The following MGAT5 variants were observed in gnomAD, a reference collection of about 807,000 sequenced individuals.
MGAT5 encodes alpha-1,6-mannosylglycoprotein 6-beta-N-acetylglucosaminyltransferase.
A neutral mutation model predicts 94.3 loss-of-function variants in MGAT5; 30 were observed. That is an observed-to-expected ratio of 0.32 (90% CI 0.24 to 0.43). The LOEUF is 0.43. MGAT5 is among the 20% of genes least tolerant of loss of function. The pLI is 1.00. For synonymous variants in MGAT5, 310 were observed against 322.9 expected (o/e 0.96, Z 0.43); for missense variants, 691 against 905.5 (o/e 0.76, Z 3.04).
At chr2:134,405,730 A>G (rs1004503429) in intron 11 of MGAT5, among the ~76,000 whole-genome samples, 4 of 152,228 alleles carry the variant, frequency 2.6e-5, no homozygotes, top group African/African-American at 9.6e-5. Context: ...ACATAGAGAG[A>G]TGATTGATGC....
At chr2:134,248,030 G>GT (rs1463458642) in intron 1 of MGAT5, among the ~76,000 whole-genome samples, 2 of 152,202 alleles carry the variant, frequency 1.3e-5, no homozygotes, top group African/African-American at 2.4e-5. Flanking sequence ...CTTCTGGAGT[G>GT]TTTTTTTGCA....
At chr2:134,430,123 G>T (rs189851364) in intron 14 of MGAT5, among the ~76,000 whole-genome samples, 1 of 152,292 alleles carries the variant, frequency 6.6e-6, no homozygotes, top group Non-Finnish European at 1.5e-5. Flanking sequence ...TCAATTATGG[G>T]TCTTAAGACA....
chr2:134,222,974 AAAT>A, intron 1 of MGAT5, among the ~76,000 whole-genome samples: 1 of 152,098 alleles, frequency 6.6e-6, no homozygotes, highest in East Asian at 1.9e-4. Flanking sequence ...TTGTTCTGAA[AAAT>A]AATTAAAAAT....
intron 1 of MGAT5, among the ~76,000 whole-genome samples, chr2:134,267,882 A>G (rs977862496): frequency 2.0e-5 from 3 of 152,218 alleles, no homozygotes; most frequent in Non-Finnish European, 4.4e-5. Flanking sequence ...GGCATTTCCT[A>G]TCCTGTAACC....
chr2:134,423,544 T>A (rs538005781), intron 13 of MGAT5, among the ~76,000 whole-genome samples: 1 of 152,278 alleles, frequency 6.6e-6, no homozygotes, highest in African/African-American at 2.4e-5. Context: ...TCAGTTATCC[T>A]TTCTCCCAAC....
chr2:134,287,843 A>G (rs1250658384), intron 2 of MGAT5, among the ~76,000 whole-genome samples: 1 of 152,212 alleles, frequency 6.6e-6, no homozygotes, highest in African/African-American at 2.4e-5. Flanking sequence ...AGACATTACA[A>G]GTTATACTCT....
At chr2:134,384,231 T>C (rs1439340597) in intron 10 of MGAT5, among the ~76,000 whole-genome samples, 4 of 132,250 alleles carry the variant, frequency 3.0e-5, no homozygotes, top group African/African-American at 1.1e-4. Context: ...AAAAAAAAAG[T>C]CATCATCCTC....
chr2:134,298,666 C>T (rs1685839422), intron 2 of MGAT5, among the ~76,000 whole-genome samples: 1 of 152,098 alleles, frequency 6.6e-6, no homozygotes, highest in Admixed American at 6.5e-5. Context: ...AAATTTGGTA[C>T]TGCAGATGGT....
intron 10 of MGAT5, among the ~76,000 whole-genome samples, chr2:134,387,687 G>A (rs973377293): frequency 6.6e-6 from 1 of 151,888 alleles, no homozygotes; most frequent in African/African-American, 2.4e-5. Flanking sequence ...TCATGTTGGA[G>A]GGAAGGAGAA....
chr2:134,349,409 A>G (rs889694040), intron 8 of MGAT5, among the ~76,000 whole-genome samples: 2 of 152,182 alleles, frequency 1.3e-5, no homozygotes, highest in Admixed American at 1.3e-4. Flanking sequence ...TAAGACCTCT[A>G]TAGATGGTAG....
intron 1 of MGAT5, among the ~76,000 whole-genome samples, chr2:134,265,205 G>T (rs1448172050): frequency 6.6e-6 from 1 of 152,168 alleles, no homozygotes; most frequent in African/African-American, 2.4e-5. Flanking sequence ...CTCAAATACG[G>T]ATTGATTTTG....
intron 9 of MGAT5, 51 bp downstream of exon 9, chr2:134,349,989 T>C: frequency 6.2e-7 from 1 of 1,603,582 alleles, no homozygotes. Context: ...CAAAGATAGA[T>C]GGGAAAATTA....
At chr2:134,181,895 A>G (rs1688750913) in intron 1 of MGAT5, among the ~76,000 whole-genome samples, 1 of 152,196 alleles carries the variant, frequency 6.6e-6, no homozygotes. Flanking sequence ...TTATGGTACA[A>G]TATGCTCTTG....
At chr2:134,147,726 G>A (rs755471574) in intron 1 of MGAT5, among the ~76,000 whole-genome samples, 8 of 152,114 alleles carry the variant, frequency 5.3e-5, no homozygotes, top group East Asian at 1.9e-4. Context: ...TAGAATCAGC[G>A]TTGGGATGAG....
chr2:134,121,855 C>A (rs928053774), intron 1 of MGAT5, among the ~76,000 whole-genome samples: 3 of 152,166 alleles, frequency 2.0e-5, no homozygotes, highest in Admixed American at 6.5e-5. Context: ...AAGAGACTCC[C>A]CAGCGTTAAT....
chr2:134,249,655 C>T (rs1246217702), upstream of MGAT5, among the ~76,000 whole-genome samples: 1 of 152,168 alleles, frequency 6.6e-6, no homozygotes, highest in Non-Finnish European at 1.5e-5. Flanking sequence ...AGTTGATGCA[C>T]ATTAGGCTGG....
intron 10 of MGAT5, among the ~76,000 whole-genome samples, chr2:134,389,492 C>A (rs1682264193): frequency 6.6e-6 from 1 of 152,162 alleles, no homozygotes; most frequent in Non-Finnish European, 1.5e-5. Context: ...TTAGCCTCAG[C>A]CTCTGTGCTA....
intron 2 of MGAT5, among the ~76,000 whole-genome samples, chr2:134,274,975 G>A (rs961255006): frequency 1.3e-5 from 2 of 152,198 alleles, no homozygotes; most frequent in Non-Finnish European, 2.9e-5. Context: ...TGTCCCTGCT[G>A]AGTTCCAGGG....
chr2:134,324,620 G>A (rs1468554755), intron 4 of MGAT5, among the ~76,000 whole-genome samples: 1 of 152,080 alleles, frequency 6.6e-6, no homozygotes, highest in Non-Finnish European at 1.5e-5. Flanking sequence ...GGATTTATGA[G>A]CTGTGTTGGC....
Sources: gnomAD v4.1 joint callset for allele counts (sites outside exome capture counted in the v4.1 genomes callset) on GRCh38, gnomAD v4.1.1 for gene constraint, MANE v1.5 for transcripts, NCBI Gene and HGNC (gene_info 2026-07-23, HGNC 2026-07-21) for gene names.